CCDC112: variants seen among roughly 807,000 people sequenced by gnomAD.
CCDC112 encodes the protein coiled-coil domain containing 112.
In CCDC112, 40 loss-of-function variants were observed where a neutral mutation model predicts 66.3. The ratio of observed to expected loss-of-function variants is 0.60; its 90% CI spans 0.47 to 0.79. The LOEUF is 0.79. Among genes scored for constraint, CCDC112 ranks in the 30% least tolerant of loss-of-function variants. The pLI, the probability that CCDC112 is intolerant of heterozygous loss-of-function variation, is 0.00. For synonymous variants in CCDC112, 214 were observed against 197.2 expected (o/e 1.09, Z -0.71); for missense variants, 659 against 603.8 (o/e 1.09, Z -0.96).
intron 9 of CCDC112, 53 bp from the exon 10 acceptor site, chr5:115,267,971 A>T: frequency 7.2e-7 from 1 of 1,393,482 alleles, no homozygotes; most frequent in Non-Finnish European, 1.0e-6. Flanking sequence ...TTAAAAAGAA[A>T]AAAACCCTAT....
At chr5:115,278,798 G>A (rs1033385529) in intron 3 of CCDC112, among the ~76,000 whole-genome samples, 1 of 151,912 alleles carries the variant, frequency 6.6e-6, no homozygotes, top group Non-Finnish European at 1.5e-5. Context: ...CTTGTATTTT[G>A]AAAGAAAAAA....
At chr5:115,279,112 T>C (rs1436309796) in intron 3 of CCDC112, among the ~76,000 whole-genome samples, 2 of 152,196 alleles carry the variant, frequency 1.3e-5, no homozygotes, top group African/African-American at 4.8e-5. Flanking sequence ...CATTTTTATA[T>C]ATTATCTCAT....
chr5:115,296,609 C>A lies in CCDC112; in HGVS notation c.-66G>T. On this transcript the variant is annotated 5_prime_UTR_variant, in exon 1 of 10. Coordinates refer to ENST00000379611, the MANE Select transcript of CCDC112 (RefSeq NM_001040440.3). ...GCCTGGGGATTCGTGGCAGGCGCACCCTGGCCTCTGCAGACAGCTCCCTGC... is the reference window on the plus strand; with the variant it reads ...GCCTGGGGATTCGTGGCAGGCGCACACTGGCCTCTGCAGACAGCTCCCTGC... 7.2e-7 allele frequency: 1 copy of A among 1,393,716 alleles called. No homozygotes were observed. Among genetic ancestry groups the A allele is most frequent in the Admixed American group, 3.3e-5 (1 of 29,866 alleles). The allele number at this position is 1,393,716 out of a possible 1,614,324, so 86.3% of individuals were successfully genotyped here. A position where few individuals can be genotyped will look rare whatever the true frequency, so the allele number is the denominator to read the frequency against.
At chr5:115,284,260 G>A (rs1273938568) in intron 2 of CCDC112, among the ~76,000 whole-genome samples, 1 of 152,094 alleles carries the variant, frequency 6.6e-6, no homozygotes, top group Non-Finnish European at 1.5e-5. Context: ...CAGCCTAAGA[G>A]TCCCTCAAAC....
In CCDC112 at chr5:115,284,922, A is replaced by T; in HGVS notation, c.118-14T>A. 1 of 1,596,416 alleles carries T rather than the reference A, an allele frequency of 6.3e-7. No individual in the cohort carries two copies. The highest frequency in any genetic ancestry group is 8.6e-7 in the Non-Finnish European group (1 of 1,168,856). ...ACAGCCATCACTCTGCATTGAGAAC[A>T]AGAAAAACTTAACAGTAATGAAAAT... On this transcript the variant is annotated splice_polypyrimidine_tract_variant and intron_variant, in intron 1 of 9. Transcript: ENST00000379611.
intron 1 of CCDC112, among the ~76,000 whole-genome samples, chr5:115,294,120 G>A (rs919042076): frequency 1.6e-4 from 24 of 152,056 alleles, no homozygotes; most frequent in African/African-American, 5.5e-4. Context: ...AATGAGTGAG[G>A]AATTTATGAG....
At chr5:115,295,885 G>A (rs1750132312) in intron 1 of CCDC112, 2 of 985,298 alleles carry the variant, frequency 2.0e-6, no homozygotes, top group African/African-American at 3.5e-5. Context: ...GTCTCGCTGA[G>A]CTGATAACAT....
intron 6 of CCDC112, among the ~76,000 whole-genome samples, chr5:115,274,934 G>A: frequency 6.6e-6 from 1 of 152,002 alleles, no homozygotes; most frequent in African/African-American, 2.4e-5. Flanking sequence ...GTAGAGACAG[G>A]GTTTTGCCAT....
chr5:115,283,548 T>C (rs754005406), intron 2 of CCDC112, among the ~76,000 whole-genome samples: 1 of 152,160 alleles, frequency 6.6e-6, no homozygotes, highest in African/African-American at 2.4e-5. Context: ...CATTCTGCAA[T>C]GTTTGTGTAC....
chr5:115,276,215 T>C, intron 4 of CCDC112, 146 bp from the exon 5 acceptor site: 2 of 587,494 alleles, frequency 3.4e-6, no homozygotes, highest in Non-Finnish European at 5.9e-6. Context: ...AAAGTGAATT[T>C]TTATGATTGC....
chr5:115,293,590 C>T (rs1750026787), intron 1 of CCDC112, among the ~76,000 whole-genome samples: 1 of 152,144 alleles, frequency 6.6e-6, no homozygotes, highest in African/African-American at 2.4e-5. Flanking sequence ...TGGCCCCTTC[C>T]TCACATCACT....
At chr5:115,291,437 T>C (rs569922203) in intron 1 of CCDC112, among the ~76,000 whole-genome samples, 6 of 152,290 alleles carry the variant, frequency 3.9e-5, no homozygotes, top group African/African-American at 1.4e-4. Context: ...ATTCTGTATT[T>C]TTCTTTCTTG....
At position 115,296,626 on chromosome 5, in the gene CCDC112, G is replaced by T. The variant is rs1750173329; in HGVS notation, c.-83C>A. On this transcript the variant is annotated 5_prime_UTR_variant, in exon 1 of 10. The change creates a new upstream start codon in the 5' untranslated region. Coordinates refer to ENST00000379611, the MANE Select transcript of CCDC112 (RefSeq NM_001040440.3). ...AGGCGCACCCTGGCCTCTGCAGACA[G>T]CTCCCTGCGCTGCGGGCTTGGCCGG... 1 of 1,331,100 alleles carries T rather than the reference G, an allele frequency of 7.5e-7. No homozygotes were observed. Among genetic ancestry groups the T allele is most frequent in the Non-Finnish European group, 9.6e-7 (1 of 1,036,852 alleles). 82.5% of individuals were successfully genotyped at this position (1,331,100 alleles called of 1,614,324 possible).
intron 1 of CCDC112, among the ~76,000 whole-genome samples, chr5:115,292,909 T>C (rs1749994855): frequency 1.3e-5 from 2 of 152,208 alleles, no homozygotes; most frequent in Admixed American, 6.5e-5. Context: ...AGCACAGTGT[T>C]TCAAAGACAA....
intron 1 of CCDC112, 105 bp from the exon 2 acceptor site, chr5:115,285,013 T>C: frequency 9.5e-7 from 1 of 1,052,814 alleles, no homozygotes; most frequent in South Asian, 1.7e-5. Context: ...TCTTGAAGGA[T>C]AATTTTGGGG....
At chr5:115,287,696 C>T (rs1209896454) in intron 1 of CCDC112, among the ~76,000 whole-genome samples, 4 of 84,740 alleles carry the variant, frequency 4.7e-5, no homozygotes, top group South Asian at 1.0e-3. Flanking sequence ...ATCCCCTTTC[C>T]TTTTTTTTTT....
intron 7 of CCDC112, among the ~76,000 whole-genome samples, chr5:115,270,714 G>A (rs1487067109): frequency 1.3e-5 from 2 of 152,156 alleles, no homozygotes; most frequent in Non-Finnish European, 2.9e-5. Flanking sequence ...AAATCATTCA[G>A]TCTTGCCTAT....
At chr5:115,287,196 C>T (rs191522563) in intron 1 of CCDC112, among the ~76,000 whole-genome samples, 44 of 152,256 alleles carry the variant, frequency 2.9e-4, no homozygotes, top group African/African-American at 1.0e-3. Flanking sequence ...TAACTGTTAT[C>T]GTCTGTCTTT....
At position 115,267,672 on chromosome 5, in the gene CCDC112, AACAC is replaced by A. The variant is rs1748793065; in HGVS notation, c.*200_*203del. ...ATAACTTTTACATCAATAATAGGCC[AACAC>A]ATATATTAAATACCTTCTTGGTAGA... On this transcript the variant is annotated 3_prime_UTR_variant, in exon 10 of 10. Transcript: ENST00000379611. 1 of 564,296 alleles carries A rather than the reference AACAC, an allele frequency of 1.8e-6. No individual in the cohort carries two copies. The highest frequency in any genetic ancestry group is 3.2e-6 in the Non-Finnish European group (1 of 317,280). 35.0% of individuals were successfully genotyped at this position (564,296 alleles called of 1,614,324 possible).
Sources: gnomAD v4.1 joint callset for allele counts (sites outside exome capture counted in the v4.1 genomes callset) on GRCh38, gnomAD v4.1.1 for gene constraint, MANE v1.5 for transcripts, NCBI Gene and HGNC (gene_info 2026-07-23, HGNC 2026-07-21) for gene names.